Variants in SYT7 observed in about 807,000 individuals in gnomAD.
SYT7 encodes synaptotagmin 7, also known as synaptotagmin-7.
A neutral mutation model predicts 75.1 loss-of-function variants in SYT7; 29 were observed. That is an observed-to-expected ratio of 0.39 (90% confidence interval 0.29 to 0.53). The LOEUF (loss-of-function observed/expected upper bound fraction) is 0.53, where lower values mean the gene tolerates loss of function less well. Among genes scored for constraint, SYT7 ranks in the 20% least tolerant of loss-of-function variants. The pLI, the probability that SYT7 is intolerant of heterozygous loss-of-function variation, is 0.77. For synonymous variants in SYT7, 376 were observed against 401.7 expected, an observed-to-expected ratio of 0.94 and a Z score of 0.76; for missense variants, 693 against 953.2, an observed-to-expected ratio of 0.73 and a Z score of 3.59.
In SYT7 at chr11:61,553,492, C is replaced by T. The variant is rs141299819; in HGVS notation, c.136-2029G>A. On this transcript the variant is annotated intron_variant, in intron 2 of 12. Coordinates refer to ENST00000539008, the MANE Select transcript of SYT7 (RefSeq NM_001365809.2). This position sits in a 1 kb window ranked among gnomAD's most constrained non-coding sequence, Gnocchi z 5.2. ...CACGGTCAGCCCTTTCCGAGCAGCG[C>T]CCCCACAGACATCCTGGGAGCCTCT... is the stretch of plus-strand genomic sequence containing the variant. Among the ~76,000 whole-genome samples the T allele has an allele frequency of 1.9e-3, 297 of 152,340 alleles. 1 individual carries two copies. The highest frequency in any genetic ancestry group is 6.9e-3 in the African/African-American group (288 of 41,570).
rs1590826078 is a variant in SYT7, at chr11:61,524,299, G to A, written c.1641+64C>T. The A allele has an allele frequency of 6.9e-6, 11 of 1,586,660 alleles. No homozygotes were observed. The highest frequency in any genetic ancestry group is 9.4e-6 in the Non-Finnish European group (11 of 1,164,688). On this transcript the variant is annotated intron_variant, in intron 10 of 12. Transcript: ENST00000539008. The surrounding 1 kb of genome is among the most constrained non-coding windows in gnomAD (Gnocchi z 4.1). ...GCCTTCCTAAGGTTGACAAGGGTCT[G>A]GGACCAGATCTCCCAGCCCTGCCCT...
At chr11:61,557,941 G>A (rs11230738) in intron 1 of SYT7, among the ~76,000 whole-genome samples, 6,527 of 152,274 alleles carry the variant, frequency 0.043, 251 homozygotes, top group African/African-American at 0.1. Context: ...ACAGCCCCAC[G>A]GCCCATGGCC....
chr11:61,526,993 T>C (rs966058991), intron 9 of SYT7, among the ~76,000 whole-genome samples: 6 of 152,138 alleles, frequency 3.9e-5, no homozygotes, highest in African/African-American at 1.4e-4. Flanking sequence ...CCGGGGGCCA[T>C]TGGCAAAGGG....
At chr11:61,555,291 G>A (rs2135340823) in intron 2 of SYT7, among the ~76,000 whole-genome samples, 1 of 152,320 alleles carries the variant, frequency 6.6e-6, no homozygotes, top group East Asian at 1.9e-4. Context: ...GGACACCCCC[G>A]GGCCCACCGT....
chr11:61,581,540 C>T (rs1296612769), upstream of SYT7, among the ~76,000 whole-genome samples: 1 of 152,240 alleles, frequency 6.6e-6, no homozygotes, highest in Admixed American at 6.5e-5. Context: ...GCTCCGGACT[C>T]AACACCGCGG....
At chr11:61,579,236 A>G (rs1267730604) in intron 1 of SYT7, among the ~76,000 whole-genome samples, 1 of 152,186 alleles carries the variant, frequency 6.6e-6, no homozygotes, top group Non-Finnish European at 1.5e-5. Context: ...GAACTAAGCT[A>G]CTGGCTTCTA....
rs985091007 is a variant in SYT7, at chr11:61,546,773, G to A, written c.347+404C>T. The A allele has an allele frequency of 1.0e-5, 4 of 389,532 alleles. No individual in the cohort carries two copies. The highest frequency in any genetic ancestry group is 4.3e-5 in the African/African-American group (2 of 46,954). The allele number at this position is 389,532 out of a possible 1,614,324, so 24.1% of individuals were successfully genotyped here. A position where few individuals can be genotyped will look rare whatever the true frequency, so the allele number is the denominator to read the frequency against. On this transcript the variant is annotated intron_variant, in intron 4 of 12. Transcript: ENST00000539008. This position sits in a 1 kb window ranked among gnomAD's most constrained non-coding sequence, Gnocchi z 7.6. Reference sequence around the variant, plus strand: ...CCACCGCCACGAACCACCGACCACCGACCACCGACCACCGAGCAGCCACGG... The same window carrying A: ...CCACCGCCACGAACCACCGACCACCAACCACCGACCACCGAGCAGCCACGG...
chr11:61,520,275 G>C (rs1043135425), intron 12 of SYT7, among the ~76,000 whole-genome samples: 1 of 152,008 alleles, frequency 6.6e-6, no homozygotes, highest in Non-Finnish European at 1.5e-5. Flanking sequence ...CGTAATCCCA[G>C]CACTGTAGGA....
chr11:61,571,865 T>TG (rs2135429831), intron 1 of SYT7, among the ~76,000 whole-genome samples: 1 of 152,256 alleles, frequency 6.6e-6, no homozygotes, highest in Non-Finnish European at 1.5e-5. Context: ...TTGCCAGGTA[T>TG]GGGGTCAGAT....
Position 61,551,219 on chromosome 11 carries a change from GC to G in SYT7, c.215+164del, listed in dbSNP as rs1293103079. 6.6e-6 allele frequency among the ~76,000 whole-genome samples: 1 copy of G among 152,094 alleles called. No homozygotes were observed. Among genetic ancestry groups the G allele is most frequent in the Non-Finnish European group, 1.5e-5 (1 of 68,002 alleles). Reference sequence around the variant, plus strand: ...CTTGGGCACAGGCAGAAAAGACGGGGCCCCTGAGTTTTTGGGGGTGTGTGGA... The same window carrying G: ...CTTGGGCACAGGCAGAAAAGACGGGGCCCTGAGTTTTTGGGGGTGTGTGGA... On this transcript the variant is annotated intron_variant, in intron 3 of 12. Transcript: ENST00000539008. The surrounding 1 kb of genome is among the most constrained non-coding windows in gnomAD (Gnocchi z 5.3).
chr11:61,519,883 C>T (rs1335262575), intron 12 of SYT7, among the ~76,000 whole-genome samples: 1 of 152,160 alleles, frequency 6.6e-6, no homozygotes, highest in Non-Finnish European at 1.5e-5. Context: ...TGTAATGGCA[C>T]GATCTCGACT....
At chr11:61,555,654 G>A (rs1023168656) in intron 2 of SYT7, among the ~76,000 whole-genome samples, 5 of 152,222 alleles carry the variant, frequency 3.3e-5, no homozygotes, top group South Asian at 2.1e-4. Context: ...ATTGGCCACC[G>A]GCTCAGCCAC....
At chr11:61,555,161 G>C (rs908820055) in intron 2 of SYT7, among the ~76,000 whole-genome samples, 4 of 152,214 alleles carry the variant, frequency 2.6e-5, no homozygotes, top group Non-Finnish European at 5.9e-5. Flanking sequence ...TGCGCAGGAA[G>C]AGAATGGGGT....
chr11:61,537,102 A>G (rs1394288569), intron 7 of SYT7, among the ~76,000 whole-genome samples: 2 of 152,202 alleles, frequency 1.3e-5, no homozygotes, highest in African/African-American at 4.8e-5. Flanking sequence ...CCAGAGCTGG[A>G]AGGCAGATGT....
rs1188873612 is a variant in SYT7, at chr11:61,542,322, G to A, written c.830C>T (p.Ser277Leu). 29 of 1,532,332 alleles carry A rather than the reference G, an allele frequency of 1.9e-5. No homozygotes were observed. The highest frequency in any genetic ancestry group is 2.3e-5 in the Non-Finnish European group (26 of 1,145,236). 94.9% of individuals were successfully genotyped at this position (1,532,332 alleles called of 1,614,324 possible). A position where few individuals can be genotyped will look rare whatever the true frequency, so the allele number is the denominator to read the frequency against. The change falls in exon 6 of 13, where the codon TCG becomes TTG. Residue 277 changes from serine (S) to leucine (L), a missense_variant. Around this residue, in one of 2 missense-constraint regions of SYT7, gnomAD observed 487 missense variants for 593.2 expected, o/e 0.82. Coordinates refer to ENST00000539008, the MANE Select transcript of SYT7 (RefSeq NM_001365809.2). The surrounding 1 kb of genome is among the most constrained non-coding windows in gnomAD (Gnocchi z 7.8). ...TGCCGCCCGGTACTTGGAGCCGGCC[G>A]AGGTGCCCTGCCGAGCCTGGCCCCG... ...YGRGQARQGT[S>L]AGSKYRAAGG...
chr11:61,563,033 A>C (rs1399297504), intron 1 of SYT7, among the ~76,000 whole-genome samples: 2 of 152,138 alleles, frequency 1.3e-5, no homozygotes, highest in Non-Finnish European at 2.9e-5. Flanking sequence ...CAGGCCACAG[A>C]CACAAGCCAC....
chr11:61,547,346 T>C (rs1191207022), intron 3 of SYT7, 38 bp from the exon 4 acceptor site: 1 of 1,532,070 alleles, frequency 6.5e-7, no homozygotes, highest in Non-Finnish European at 8.7e-7. Flanking sequence ...AACAGGGAGA[T>C]ACAAGAAGAA....
intron 1 of SYT7, among the ~76,000 whole-genome samples, chr11:61,578,201 G>A (rs2064138467): frequency 6.6e-6 from 1 of 152,198 alleles, no homozygotes; most frequent in Non-Finnish European, 1.5e-5. Context: ...GGGAACCAAG[G>A]GCCTGGGGGC....
intron 5 of SYT7, among the ~76,000 whole-genome samples, chr11:61,543,858 T>A (rs79704046): frequency 0.018 from 2,787 of 152,304 alleles, 67 homozygotes; most frequent in African/African-American, 0.057. Context: ...CTGGGCTGAA[T>A]GAGCAGCTTT....
Sources: allele counts gnomAD v4.1 joint callset (sites outside exome capture counted in the v4.1 genomes callset), GRCh38; gene constraint gnomAD v4.1.1; regional missense constraint gnomAD v4.1.1; non-coding constraint Gnocchi (gnomAD v3.1); transcripts MANE v1.5; gene names NCBI Gene and HGNC (gene_info 2026-07-23, HGNC 2026-07-21).